Variants in DTNA observed in about 807,000 individuals in gnomAD.
DTNA encodes the protein dystrophin-related protein 3.
In DTNA, 43 loss-of-function variants were observed where a neutral mutation model predicts 100.7. That is an observed-to-expected ratio of 0.43 (90% CI 0.33 to 0.55). DTNA has a LOEUF of 0.55. DTNA is among the 20% of genes least tolerant of loss of function. The pLI, the probability that DTNA is intolerant of heterozygous loss-of-function variation, is 0.04. For missense variants in DTNA, 798 were observed against 953.9 expected (o/e 0.84, Z 2.15); for synonymous variants, 349 against 347.9 (o/e 1.00, Z -0.04).
intron 9 of DTNA, 132 bp from the exon 10 acceptor site, chr18:34,827,461 A>C: frequency 1.2e-6 from 1 of 812,740 alleles, no homozygotes. Flanking sequence ...GGAAAATATA[A>C]GATTTCTTGT....
chr18:34,852,034 C>G, intron 15 of DTNA, 106 bp downstream of exon 15: 3 of 1,083,916 alleles, frequency 2.8e-6, no homozygotes, highest in Non-Finnish European at 4.1e-6. Context: ...TATGGCTACT[C>G]AAGGGAAGAC....
At chr18:34,655,795 A>G (rs1483557622) in intron 1 of DTNA, among the ~76,000 whole-genome samples, 1 of 152,240 alleles carries the variant, frequency 6.6e-6, no homozygotes, top group African/African-American at 2.4e-5. Context: ...TTACTTTGTT[A>G]GAGTGTGAAT....
chr18:34,825,392 A>G (rs2095837186), intron 9 of DTNA: 1 of 1,273,206 alleles, frequency 7.9e-7, no homozygotes, highest in African/African-American at 1.5e-5. Flanking sequence ...AAGTCTTCTT[A>G]TGCTGTACAC....
chr18:34,680,810 A>C (rs1406628640), intron 1 of DTNA, among the ~76,000 whole-genome samples: 3 of 151,960 alleles, frequency 2.0e-5, no homozygotes, highest in African/African-American at 7.3e-5. Flanking sequence ...AAAATGAAAA[A>C]CTTATTTTCT....
intron 1 of DTNA, among the ~76,000 whole-genome samples, chr18:34,695,090 G>A (rs1016854956): frequency 6.6e-6 from 1 of 152,096 alleles, no homozygotes; most frequent in Non-Finnish European, 1.5e-5. Context: ...TAAAATTACT[G>A]TACTATAACA....
At chr18:34,730,294 T>C (rs1209369448) in intron 1 of DTNA, among the ~76,000 whole-genome samples, 1 of 152,208 alleles carries the variant, frequency 6.6e-6, no homozygotes, top group African/African-American at 2.4e-5. Context: ...ACAATTTATT[T>C]AGTTCTTCAT....
At chr18:34,691,791 C>A (rs990188869) in intron 1 of DTNA, among the ~76,000 whole-genome samples, 3 of 152,210 alleles carry the variant, frequency 2.0e-5, no homozygotes, top group Admixed American at 2.0e-4. Context: ...CCCTAAATCC[C>A]CTTCATCTGC....
intron 1 of DTNA, among the ~76,000 whole-genome samples, chr18:34,712,319 A>T (rs2083064153): frequency 6.6e-6 from 1 of 152,126 alleles, no homozygotes; most frequent in African/African-American, 2.4e-5. Context: ...GGAAATTACT[A>T]AAAAGTATTT....
chr18:34,830,351 A>G (rs1399171984), intron 11 of DTNA, among the ~76,000 whole-genome samples: 1 of 152,076 alleles, frequency 6.6e-6, no homozygotes, highest in Non-Finnish European at 1.5e-5. Flanking sequence ...AGAAAGATAA[A>G]GCTGAATGAG....
At chr18:34,645,716 CA>C (rs1157409079) in intron 1 of DTNA, among the ~76,000 whole-genome samples, 1 of 152,100 alleles carries the variant, frequency 6.6e-6, no homozygotes, top group Non-Finnish European at 1.5e-5. Context: ...GGAGTCTCTT[CA>C]GTTTCCTGCA....
At chr18:34,838,287 T>A (rs1006394211) in intron 12 of DTNA, 116 bp downstream of exon 12, 2 of 1,156,380 alleles carry the variant, frequency 1.7e-6, no homozygotes, top group Non-Finnish European at 2.5e-6. Flanking sequence ...TAAAAGCAGC[T>A]CTGCTTTAAC....
chr18:34,609,005 C>G (rs2053675207), intron 1 of DTNA, among the ~76,000 whole-genome samples: 1 of 152,112 alleles, frequency 6.6e-6, no homozygotes, highest in African/African-American at 2.4e-5. Context: ...GATTACTGCT[C>G]AAGTTTACCA....
Position 34,821,030 on chromosome 18 carries a change from T to TA in DTNA, c.1001+125dup, listed in dbSNP as rs143240161. 18,755 of 1,367,844 alleles carry TA rather than the reference T, an allele frequency of 0.014. 52 individuals are homozygous for TA. Among genetic ancestry groups the TA allele is most frequent in the Non-Finnish European group, 0.017 (16,744 of 998,712 alleles). The allele number at this position is 1,367,844 out of a possible 1,614,324, so 84.7% of individuals were successfully genotyped here. On this transcript the variant is annotated intron_variant, in intron 9 of 22. Transcript: ENST00000444659. Reference sequence around the variant, plus strand: ...AGCAACCAAGATTTTTAATTTAGTTTAAAAAAAAAAGTCAGAGTAATGCCA... The same window carrying TA: ...AGCAACCAAGATTTTTAATTTAGTTTAAAAAAAAAAAGTCAGAGTAATGCCA...
chr18:34,513,322 A>G (rs916049733), intron 1 of DTNA, among the ~76,000 whole-genome samples: 2 of 152,164 alleles, frequency 1.3e-5, no homozygotes, highest in Admixed American at 6.6e-5. Flanking sequence ...TAGTTGCAAA[A>G]CTAAATAGTT....
intron 1 of DTNA, among the ~76,000 whole-genome samples, chr18:34,526,165 C>T (rs910182969): frequency 3.3e-5 from 5 of 152,154 alleles, no homozygotes; most frequent in Non-Finnish European, 7.3e-5. Context: ...TGCTGTTAGG[C>T]TCTTGAAAGA....
At chr18:34,539,253 A>G (rs974713520) in intron 1 of DTNA, among the ~76,000 whole-genome samples, 1 of 151,810 alleles carries the variant, frequency 6.6e-6, no homozygotes, top group Non-Finnish European at 1.5e-5. Flanking sequence ...CTAGGATTCC[A>G]TTCAAAAAAA....
rs62097190 is a variant in DTNA, at chr18:34,611,706, T to C, written c.-2+118192T>C. 3.2e-3 allele frequency among the ~76,000 whole-genome samples: 486 copies of C among 152,258 alleles called. 1 individual carries two copies. Among genetic ancestry groups the C allele is most frequent in the Non-Finnish European group, 3.8e-3 (261 of 68,012 alleles). Reference sequence around the variant, plus strand: ...CTCAGGAGTCAGGAATCAGAGTTTCTTGGTTTGGGGACCTGGTTCTCCCCT... The same window carrying C: ...CTCAGGAGTCAGGAATCAGAGTTTCCTGGTTTGGGGACCTGGTTCTCCCCT... On this transcript the variant is annotated intron_variant, in intron 1 of 19. Transcript: ENST00000283365.
chr18:34,560,860 T>C (rs2046569546), intron 1 of DTNA, among the ~76,000 whole-genome samples: 1 of 152,186 alleles, frequency 6.6e-6, no homozygotes, highest in African/African-American at 2.4e-5. Context: ...ATATGGAGGT[T>C]GCAGTGAGCC....
At chr18:34,780,013 A>G (rs2094244541) in intron 3 of DTNA, among the ~76,000 whole-genome samples, 2 of 152,172 alleles carry the variant, frequency 1.3e-5, no homozygotes, top group South Asian at 4.1e-4. Context: ...TGCTGCATAA[A>G]CTGATATCTG....
Sources: allele counts gnomAD v4.1 joint callset (sites outside exome capture counted in the v4.1 genomes callset), GRCh38; gene constraint gnomAD v4.1.1; transcripts MANE v1.5; gene names NCBI Gene and HGNC (gene_info 2026-07-23, HGNC 2026-07-21).